The following COX7B2 variants were observed in gnomAD, a reference collection of about 807,000 sequenced individuals.
The protein encoded by COX7B2 is cytochrome c oxidase subunit 7B2, mitochondrial.
For missense variants in COX7B2, 109 were observed against 95.9 expected, an observed-to-expected ratio of 1.14 and a Z score of -0.57; for synonymous variants, 37 against 32.1, an observed-to-expected ratio of 1.15 and a Z score of -0.51.
At chr4:46,745,349 G>A (rs562394993) in intron 2 of COX7B2, among the ~76,000 whole-genome samples, 2 of 152,158 alleles carry the variant, frequency 1.3e-5, no homozygotes, top group East Asian at 1.9e-4. Flanking sequence ...TGGTGCATTC[G>A]CAGAGAAATT....
intron 2 of COX7B2, among the ~76,000 whole-genome samples, chr4:46,778,149 G>T (rs1035819832): frequency 1.3e-5 from 2 of 152,116 alleles, no homozygotes; most frequent in African/African-American, 4.8e-5. Context: ...GGAGGGAAGA[G>T]TGTGGAATGT....
intron 2 of COX7B2, among the ~76,000 whole-genome samples, chr4:46,742,552 T>C: frequency 6.6e-6 from 1 of 152,140 alleles, no homozygotes; most frequent in East Asian, 1.9e-4. Flanking sequence ...GAACAATGGT[T>C]CTATTTTATA....
At chr4:46,763,673 G>C (rs765270018) in intron 2 of COX7B2, among the ~76,000 whole-genome samples, 6 of 152,032 alleles carry the variant, frequency 3.9e-5, no homozygotes, top group Non-Finnish European at 7.4e-5. Flanking sequence ...AAGAGGCAAG[G>C]ATAGATTATA....
intron 2 of COX7B2, among the ~76,000 whole-genome samples, chr4:46,762,305 TATATA>T (rs1434414706): frequency 6.8e-5 from 5 of 73,760 alleles, no homozygotes; most frequent in South Asian, 6.2e-4. Context: ...TATATAGTGT[TATATA>T]ATATAATATA....
At chr4:46,835,373 G>A (rs772938691) in intron 2 of COX7B2, among the ~76,000 whole-genome samples, 12 of 151,860 alleles carry the variant, frequency 7.9e-5, no homozygotes, top group Non-Finnish European at 1.2e-4. Context: ...ATGAAAATGC[G>A]TTGCTTTTAA....
intron 2 of COX7B2, among the ~76,000 whole-genome samples, chr4:46,775,243 C>T (rs1367619119): frequency 6.6e-6 from 1 of 151,988 alleles, no homozygotes; most frequent in African/African-American, 2.4e-5. Context: ...TTATGAAAAG[C>T]ATATATTATA....
intron 1 of COX7B2, among the ~76,000 whole-genome samples, chr4:46,891,181 A>G (rs1037835476): frequency 1.1e-4 from 16 of 152,232 alleles, no homozygotes; most frequent in African/African-American, 3.4e-4. Flanking sequence ...AGAGAACATC[A>G]TGGTAGAAAC....
At chr4:46,812,137 A>T (rs1719315474) in intron 2 of COX7B2, among the ~76,000 whole-genome samples, 1 of 152,170 alleles carries the variant, frequency 6.6e-6, no homozygotes, top group African/African-American at 2.4e-5. Flanking sequence ...TATAGGACAC[A>T]TATGCTTGGA....
At chr4:46,895,128 C>T (rs1425040735) in intron 1 of COX7B2, among the ~76,000 whole-genome samples, 1 of 152,066 alleles carries the variant, frequency 6.6e-6, no homozygotes, top group East Asian at 1.9e-4. Flanking sequence ...CCAGCACTCC[C>T]GTTATTGGGT....
intron 1 of COX7B2, among the ~76,000 whole-genome samples, chr4:46,907,871 T>TTTTTTTTTTTTTTTTTTTC (rs1720501504): frequency 6.8e-6 from 1 of 146,154 alleles, no homozygotes; most frequent in Non-Finnish European, 1.5e-5. Context: ...TTTTTTTTTT[T>TTTTTTTTTTTTTTTTTTTC]TGAGACGGAG....
At chr4:46,742,883 A>C (rs916751010) in intron 2 of COX7B2, among the ~76,000 whole-genome samples, 16 of 152,146 alleles carry the variant, frequency 1.1e-4, no homozygotes, top group Non-Finnish European at 1.9e-4. Context: ...TGGAGTGTTG[A>C]AAGTATTCAG....
At chr4:46,784,758 A>G (rs56153794) in intron 2 of COX7B2, among the ~76,000 whole-genome samples, 5,120 of 152,340 alleles carry the variant, frequency 0.034, 220 homozygotes, top group African/African-American at 0.1. Flanking sequence ...CCTAATACTC[A>G]TGACTTAATT....
rs1002777981 is a variant in COX7B2, at chr4:46,804,979, C to T, written c.-50+39981G>A. On this transcript the variant is annotated intron_variant, in intron 2 of 2. Transcript: ENST00000355591. The stretch of plus-strand genomic sequence containing the variant: ...GTGGGCTGCGGGTCCCGAGCCCTGC[C>T]GCATGGGAGGCAGCTAAGGCCCGGC... Among the ~76,000 whole-genome samples, 20 of 152,280 alleles carry T rather than the reference C, an allele frequency of 1.3e-4. No individual in the cohort carries two copies. In the East Asian group the frequency reaches 2.5e-3, roughly 19 times the overall value.
At chr4:46,805,776 C>G (rs1477807322) in intron 2 of COX7B2, among the ~76,000 whole-genome samples, 1 of 152,088 alleles carries the variant, frequency 6.6e-6, no homozygotes, top group Non-Finnish European at 1.5e-5. Flanking sequence ...GTTACTCCCT[C>G]CTGCTTCTAT....
chr4:46,836,624 A>T (rs1288320751), intron 2 of COX7B2, among the ~76,000 whole-genome samples: 1 of 152,152 alleles, frequency 6.6e-6, no homozygotes, highest in Non-Finnish European at 1.5e-5. Context: ...AAGCTAAAAT[A>T]ATGAATAAAA....
At chr4:46,879,342 C>T (rs1380409003) in intron 1 of COX7B2, among the ~76,000 whole-genome samples, 1 of 151,750 alleles carries the variant, frequency 6.6e-6, no homozygotes, top group African/African-American at 2.4e-5. Context: ...TTTTGAGACA[C>T]GGTCTCACAC....
At chr4:46,908,995 G>C (rs1720581327) in intron 1 of COX7B2, among the ~76,000 whole-genome samples, 165 bp downstream of exon 1, 1 of 151,450 alleles carries the variant, frequency 6.6e-6, no homozygotes, top group African/African-American at 2.4e-5. Flanking sequence ...AGTGAGCCGA[G>C]ATGGCGTCAC....
chr4:46,861,544 T>C (rs868826544), intron 1 of COX7B2, among the ~76,000 whole-genome samples: 37 of 152,170 alleles, frequency 2.4e-4, no homozygotes, highest in African/African-American at 8.7e-4. Flanking sequence ...AAGAAACTCA[T>C]TTCTACTGCA....
chr4:46,780,686 G>T (rs1367925911), intron 2 of COX7B2, among the ~76,000 whole-genome samples: 1 of 151,956 alleles, frequency 6.6e-6, no homozygotes, highest in East Asian at 1.9e-4. Context: ...AACACTAATT[G>T]CTATGGCTTT....
Sources: gnomAD v4.1 joint callset for allele counts (sites outside exome capture counted in the v4.1 genomes callset) on GRCh38, gnomAD v4.1.1 for gene constraint, MANE v1.5 for transcripts, NCBI Gene and HGNC (gene_info 2026-07-23, HGNC 2026-07-21) for gene names.